Variants in ATP11C observed in about 807,000 individuals in gnomAD.
ATP11C encodes ATPase phospholipid transporting 11C (ATP11C blood group).
In ATP11C, 36 loss-of-function variants were observed where a neutral mutation model predicts 97.4. The ratio of observed to expected loss-of-function variants is 0.37; its 90% CI spans 0.28 to 0.49. The LOEUF is 0.49. ATP11C is among the 20% of genes least tolerant of loss of function. The pLI is 0.98. For synonymous variants in ATP11C, 275 were observed against 290.9 expected, an observed-to-expected ratio of 0.95 and a Z score of 0.56; for missense variants, 730 against 824.6, an observed-to-expected ratio of 0.89 and a Z score of 1.40.
intron 1 of ATP11C, among the ~76,000 whole-genome samples, chrX:139,860,866 A>G (rs150674664): frequency 2.7e-3 from 303 of 112,355 alleles, no homozygotes; most frequent in African/African-American, 9.2e-3. Context: ...CGCAGCTCCT[A>G]ATAACCTTGA....
Position 139,726,440 on chromosome X carries a change from A to G in ATP11C, c.*2526T>C. On this transcript the variant is annotated 3_prime_UTR_variant, in exon 30 of 30. Transcript: ENST00000682941. ...TGCAGTCATAAAAGATGGCATTCAC[A>G]TTCATTTTAGAAAGCAACAACGTAG... 1 of 112,869 alleles carries G rather than the reference A, an allele frequency of 8.9e-6. No individual in the cohort carries two copies. The highest frequency in any genetic ancestry group is 2.8e-4 in the East Asian group (1 of 3,600). 9.3% of individuals were successfully genotyped at this position (112,869 alleles called of 1,213,427 possible). A position where few individuals can be genotyped will look rare whatever the true frequency, so the allele number is the denominator to read the frequency against.
intron 12 of ATP11C, among the ~76,000 whole-genome samples, chrX:139,792,449 C>T (rs913329904): frequency 9.0e-6 from 1 of 110,782 alleles, no homozygotes; most frequent in Non-Finnish European, 1.9e-5. Context: ...AACTACTGGA[C>T]CCCATTTTAT....
chrX:139,931,245 C>T (rs1214112335), intron 1 of ATP11C, among the ~76,000 whole-genome samples: 4 of 112,230 alleles, frequency 3.6e-5, no homozygotes, highest in Non-Finnish European at 7.5e-5. Flanking sequence ...ATGAAATTCC[C>T]TTTTCTGGGG....
rs1266103206 is a variant in ATP11C at position 139,752,186 on chromosome X, G to A, written c.2701-2034C>T. On this transcript the variant is annotated intron_variant, in intron 23 of 29. Coordinates refer to ENST00000682941, the MANE Select transcript of ATP11C (RefSeq NM_001353812.2). ...AGAGACCTTTTCAGATGTCTAAAAC[G>A]GCAGCTCTCTCTCTCCCAGTCACAC... Among the ~76,000 whole-genome samples the A allele has an allele frequency of 2.7e-5, 3 of 110,639 alleles. No homozygotes were observed. The Admixed American group carries it at 2.9e-4, about 11-fold the overall frequency.
At position 139,859,228 on chromosome X, in the gene ATP11C, G is replaced by T. The variant is rs1034189701; in HGVS notation, c.28-32405C>A. ...GGATAGGCAGGAGGGATGGCTCTTG[G>T]ATTCAAAATTACTGCTAGACAGGAG... On this transcript the variant is annotated intron_variant, in intron 1 of 29. Coordinates refer to ENST00000682941, the MANE Select transcript of ATP11C (RefSeq NM_001353812.2). Among the ~76,000 whole-genome samples the T allele has an allele frequency of 8.1e-5, 9 of 111,696 alleles. No homozygotes were observed. The East Asian group carries it at 2.0e-3, about 24-fold the overall frequency.
chrX:139,888,639 A>C (rs1326020662), intron 1 of ATP11C, among the ~76,000 whole-genome samples: 1 of 111,415 alleles, frequency 9.0e-6, no homozygotes, highest in African/African-American at 3.3e-5. Flanking sequence ...TGCTGTTAGG[A>C]AACAAAAATG....
intron 6 of ATP11C, 24 bp downstream of exon 6, chrX:139,804,447 T>C: frequency 8.5e-7 from 1 of 1,180,479 alleles, no homozygotes. Context: ...GATCAAAATG[T>C]TTAGGCAAGG....
intron 12 of ATP11C, among the ~76,000 whole-genome samples, chrX:139,790,144 T>C (rs886282294): frequency 4.5e-5 from 5 of 111,013 alleles, no homozygotes; most frequent in African/African-American, 1.6e-4. Flanking sequence ...CAGTAGCCAT[T>C]ATAGCTCACT....
chrX:139,758,782 C>A (rs2081984846), intron 22 of ATP11C, among the ~76,000 whole-genome samples: 1 of 111,895 alleles, frequency 8.9e-6, no homozygotes, highest in Non-Finnish European at 1.9e-5. Context: ...CCTTCAAGAG[C>A]CCACTTTCCA....
rs1208884519 is a variant in ATP11C at position 139,906,255 on chromosome X, C to CA, written c.27+25760dup. On this transcript the variant is annotated intron_variant, in intron 1 of 29. Transcript: ENST00000682941. ...CCTGTAGAGTGAGACCCCATCTCTA[C>CA]AAAAAAAAAAAAATTAGCTGGGGTC... 1.9e-3 allele frequency among the ~76,000 whole-genome samples: 170 copies of CA among 89,441 alleles called. 1 individual carries two copies. Among genetic ancestry groups the CA allele is most frequent in the East Asian group, 0.013 (37 of 2,930 alleles). 77.7% of individuals were successfully genotyped at this position (89,441 alleles called of 115,157 possible).
chrX:139,911,820 C>A, intron 1 of ATP11C, among the ~76,000 whole-genome samples: 1 of 111,152 alleles, frequency 9.0e-6, no homozygotes, highest in East Asian at 2.8e-4. Flanking sequence ...AGTAAACTCC[C>A]AAGGTGAAAT....
chrX:139,852,347 G>C (rs949632197), intron 1 of ATP11C, among the ~76,000 whole-genome samples: 1 of 102,828 alleles, frequency 9.7e-6, no homozygotes, highest in Admixed American at 1.1e-4. Context: ...TCCCCTCCTG[G>C]GGTGGTCTCT....
chrX:139,855,674 A>C (rs2084079159), intron 1 of ATP11C, among the ~76,000 whole-genome samples: 1 of 112,312 alleles, frequency 8.9e-6, no homozygotes, highest in African/African-American at 3.2e-5. Flanking sequence ...AACATAACCA[A>C]GTCAATTTTG....
intron 29 of ATP11C, among the ~76,000 whole-genome samples, chrX:139,729,323 T>G (rs2081296775): frequency 9.0e-6 from 1 of 111,586 alleles, no homozygotes; most frequent in African/African-American, 3.3e-5. Flanking sequence ...TTATTTACCT[T>G]CTATCTCCAG....
chrX:139,796,776 T>C (rs757341349), intron 11 of ATP11C, among the ~76,000 whole-genome samples: 1 of 111,722 alleles, frequency 9.0e-6, no homozygotes, highest in Non-Finnish European at 1.9e-5. Flanking sequence ...TCAAAGTTCA[T>C]ATGTAAGGCA....
intron 1 of ATP11C, among the ~76,000 whole-genome samples, chrX:139,838,662 GA>G (rs2083782387): frequency 1.8e-5 from 2 of 112,628 alleles, no homozygotes; most frequent in Non-Finnish European, 3.8e-5. Flanking sequence ...TCAAAAGGTG[GA>G]AACAGTCTGG....
At chrX:139,748,267 T>C (rs548632497) in intron 24 of ATP11C, among the ~76,000 whole-genome samples, 2 of 110,504 alleles carry the variant, frequency 1.8e-5, no homozygotes, top group South Asian at 7.9e-4. Flanking sequence ...TTACTGAAGG[T>C]GAAACTGAGG....
At chrX:139,913,532 C>T (rs2085108783) in intron 1 of ATP11C, among the ~76,000 whole-genome samples, 1 of 111,553 alleles carries the variant, frequency 9.0e-6, no homozygotes, top group South Asian at 3.8e-4. Context: ...AAGAATCACA[C>T]AAGAAGTGAA....
intron 16 of ATP11C, among the ~76,000 whole-genome samples, chrX:139,783,914 G>A (rs1037519582): frequency 1.6e-4 from 18 of 109,898 alleles, no homozygotes; most frequent in African/African-American, 6.0e-4. Context: ...CACACATATG[G>A]CATCTACAGA....
Sources: allele counts gnomAD v4.1 joint callset (sites outside exome capture counted in the v4.1 genomes callset), GRCh38; gene constraint gnomAD v4.1.1; transcripts MANE v1.5; gene names NCBI Gene and HGNC (gene_info 2026-07-23, HGNC 2026-07-21).